Variants in NOS1 observed in about 807,000 individuals in gnomAD.
The protein encoded by NOS1 is NOS type I.
NOS1 carries 51 observed loss-of-function variants against 164.5 expected under a neutral mutation model. That is an observed-to-expected ratio of 0.31 (90% confidence interval 0.25 to 0.39). The LOEUF (loss-of-function observed/expected upper bound fraction) is 0.39. Ranked by LOEUF, NOS1 falls within the 10% of genes least tolerant of loss-of-function variation. The pLI is 1.00. For synonymous variants in NOS1, 719 were observed against 745.8 expected (o/e 0.96, Z 0.59); for missense variants, 1,362 against 1,885.6 (o/e 0.72, Z 5.14).
In NOS1 at chr12:117,243,508, G is replaced by A; in HGVS notation, c.2824-73C>T. ...CTCCTCTCCAACAGCTCCAAGTCAT[G>A]GCATGTATCTCTTCATTCACCCATC... On this transcript the variant is annotated intron_variant, in intron 18 of 28. Coordinates refer to ENST00000317775, the MANE Select transcript of NOS1 (RefSeq NM_000620.5). The surrounding 1 kb of genome is among the most constrained non-coding windows in gnomAD (Gnocchi z 4.3). 1.3e-6 allele frequency: 2 copies of A among 1,536,496 alleles called. No homozygotes were observed. Among genetic ancestry groups the A allele is most frequent in the Non-Finnish European group, 1.8e-6 (2 of 1,126,170 alleles).
chr12:117,246,984 T>C (rs1009191815), intron 18 of NOS1, among the ~76,000 whole-genome samples: 7 of 152,150 alleles, frequency 4.6e-5, no homozygotes, highest in African/African-American at 7.2e-5. Flanking sequence ...CGTGTCAAAA[T>C]TGGTAGACTG....
rs560164082 is a variant in NOS1 at position 117,346,060 on chromosome 12, C to T, written c.-420-14571G>A. On this transcript the variant is annotated intron_variant, in intron 1 of 28. Coordinates refer to ENST00000317775, the MANE Select transcript of NOS1 (RefSeq NM_000620.5). Reference sequence around the variant, plus strand: ...GGAGAGCAGTTCCAGCCAGTGGTTGCCATGCAGAAAGCCAAGACTGGTCTC... The same window carrying T: ...GGAGAGCAGTTCCAGCCAGTGGTTGTCATGCAGAAAGCCAAGACTGGTCTC... 5.3e-5 allele frequency among the ~76,000 whole-genome samples: 8 copies of T among 152,352 alleles called. No homozygotes were observed. In the South Asian group the frequency reaches 1.4e-3, roughly 28 times the overall value.
chr12:117,334,663 G>A (rs1875720525), intron 1 of NOS1, among the ~76,000 whole-genome samples: 1 of 152,166 alleles, frequency 6.6e-6, no homozygotes, highest in African/African-American at 2.4e-5. Flanking sequence ...CCAAAGTGCT[G>A]GGATTACAGG....
chr12:117,288,355 G>A (rs375715084), intron 4 of NOS1, 136 bp from the exon 5 acceptor site: 4 of 729,772 alleles, frequency 5.5e-6, no homozygotes, highest in Non-Finnish European at 8.9e-6. Flanking sequence ...TCAAGTACCA[G>A]CTTCAAATCC....
Position 117,259,104 on chromosome 12 carries a change from A to G in NOS1, c.2394T>C (p.Ile798=), listed in dbSNP as rs2135977370. The G allele has an allele frequency of 4.3e-6, 7 of 1,614,058 alleles. No homozygotes were observed. The highest frequency in any genetic ancestry group is 5.9e-6 in the Non-Finnish European group (7 of 1,179,948). The change falls in exon 15 of 29, where the codon ATT becomes ATC. Residue 798 remains isoleucine (I), a synonymous_variant. Transcript: ENST00000317775. ...AKVMSMEEYD[I]VHLEHETLVL... The stretch of plus-strand genomic sequence containing the variant: ...CCAGAGTTTCATGTTCCAGGTGCAC[A>G]ATGTCATATTCTTCCATGGACATCA...
At chr12:117,296,582 G>T (rs544171489) in intron 3 of NOS1, among the ~76,000 whole-genome samples, 1 of 152,150 alleles carries the variant, frequency 6.6e-6, no homozygotes, top group South Asian at 2.1e-4. Flanking sequence ...TGGCTTCCTT[G>T]CTCCTCAGCT....
Position 117,213,586 on chromosome 12 carries a change from G to C in NOS1, c.*1723C>G, listed in dbSNP as rs1248377942. ...CTGGCCTGGGCCCTTTGGGGTCTTGGTGCCCCCACTGTAAAGCCCTTTCAA... is the reference window on the plus strand; with the variant it reads ...CTGGCCTGGGCCCTTTGGGGTCTTGCTGCCCCCACTGTAAAGCCCTTTCAA... On this transcript the variant is annotated 3_prime_UTR_variant, in exon 29 of 29. Coordinates refer to ENST00000317775, the MANE Select transcript of NOS1 (RefSeq NM_000620.5). 1 of 985,434 alleles carries C rather than the reference G, an allele frequency of 1.0e-6. No individual in the cohort carries two copies. The highest frequency in any genetic ancestry group is 1.1e-4 in the East Asian group (1 of 8,812). 61.0% of individuals were successfully genotyped at this position (985,434 alleles called of 1,614,324 possible). A position where few individuals can be genotyped will look rare whatever the true frequency, so the allele number is the denominator to read the frequency against.
intron 12 of NOS1, 48 bp downstream of exon 12, chr12:117,265,268 C>T (rs2135987150): frequency 6.8e-7 from 1 of 1,463,296 alleles, no homozygotes; most frequent in East Asian, 2.4e-5. Flanking sequence ...GACACACACA[C>T]CAGATACAGG....
Position 117,330,902 on chromosome 12 carries a change from G to A in NOS1, c.168C>T (p.Gly56=). 6.2e-7 allele frequency: 1 copy of A among 1,614,160 alleles called. No homozygotes were observed. Among genetic ancestry groups the A allele is most frequent in the Non-Finnish European group, 8.5e-7 (1 of 1,180,034 alleles). The change falls in exon 2 of 29, where the codon GGC becomes GGT. Residue 56 remains glycine (G), a synonymous_variant. Coordinates refer to ENST00000317775, the MANE Select transcript of NOS1 (RefSeq NM_000620.5). This position sits in a 1 kb window ranked among gnomAD's most constrained non-coding sequence, Gnocchi z 4.6. ...LIRGGAAEQS[G]LIQAGDIILA... is the part of the protein sequence containing the mutation. ...GAATGATGTCTCCGGCCTGGATGAGGCCACTCTGCTCTGCGGCGCCCCCAC... is the reference window on the plus strand; with the variant it reads ...GAATGATGTCTCCGGCCTGGATGAGACCACTCTGCTCTGCGGCGCCCCCAC...
rs754007407 is a variant in NOS1, at chr12:117,220,161, C to T, written c.4084G>A (p.Asp1362Asn). The change falls in exon 27 of 29, where the codon GAT (aspartate) becomes AAT (asparagine). Residue 1362 changes from aspartate (D) to asparagine (N), a missense_variant. Coordinates refer to ENST00000317775, the MANE Select transcript of NOS1 (RefSeq NM_000620.5). ...YVCGDVTMAA[D>N]VLKAIQRIMT... Reference sequence around the variant, plus strand: ...ATGCGCTGGATGGCTTTGAGGACATCAGCAGCCATGGTGACGTCCCCACAG... The same window carrying T: ...ATGCGCTGGATGGCTTTGAGGACATTAGCAGCCATGGTGACGTCCCCACAG... 1 of 1,614,044 alleles carries T rather than the reference C, an allele frequency of 6.2e-7. No individual in the cohort carries two copies. The highest frequency in any genetic ancestry group is 8.5e-7 in the Non-Finnish European group (1 of 1,180,028).
chr12:117,334,003 C>T (rs537870224), intron 1 of NOS1, among the ~76,000 whole-genome samples: 1 of 152,232 alleles, frequency 6.6e-6, no homozygotes, highest in African/African-American at 2.4e-5. Context: ...GAAAGGCGAC[C>T]TCTTGGGGAG....
At chr12:117,352,774 G>A (rs534720896) in intron 1 of NOS1, among the ~76,000 whole-genome samples, 2 of 152,260 alleles carry the variant, frequency 1.3e-5, no homozygotes, top group African/African-American at 4.8e-5. Flanking sequence ...ACATGTATTC[G>A]TGTGTGGGAG....
intron 2 of NOS1, among the ~76,000 whole-genome samples, chr12:117,326,311 G>C (rs1251244899): frequency 6.6e-6 from 1 of 151,440 alleles, no homozygotes; most frequent in Admixed American, 6.6e-5. Context: ...GCTGGAACCC[G>C]GGAGGCGGAG....
At chr12:117,346,085 C>T (rs1339141245) in intron 1 of NOS1, among the ~76,000 whole-genome samples, 1 of 152,244 alleles carries the variant, frequency 6.6e-6, no homozygotes, top group Non-Finnish European at 1.5e-5. Flanking sequence ...AGACTGGTCT[C>T]ACTTCACTTC....
At chr12:117,293,112 G>A (rs982021657) in intron 3 of NOS1, among the ~76,000 whole-genome samples, 11 of 152,184 alleles carry the variant, frequency 7.2e-5, no homozygotes, top group South Asian at 2.1e-4. Context: ...TGCAGCCAGC[G>A]GAATAAGAGT....
intron 9 of NOS1, among the ~76,000 whole-genome samples, chr12:117,273,109 C>T (rs1363982568): frequency 6.6e-6 from 1 of 152,168 alleles, no homozygotes; most frequent in Non-Finnish European, 1.5e-5. Flanking sequence ...AAAGCCTTCC[C>T]TGAGGCCCAG....
chr12:117,278,825 T>C (rs1014858265), intron 8 of NOS1, among the ~76,000 whole-genome samples: 7 of 149,418 alleles, frequency 4.7e-5, no homozygotes, highest in Non-Finnish European at 7.4e-5. Context: ...TTATTAATAG[T>C]ATATTAAATA....
intron 2 of NOS1, among the ~76,000 whole-genome samples, chr12:117,323,218 C>T (rs1221660827): frequency 1.3e-5 from 2 of 152,208 alleles, no homozygotes; most frequent in South Asian, 4.1e-4. Flanking sequence ...GGAGTCCCTC[C>T]TGTTGCTTGA....
intron 25 of NOS1, 148 bp from the exon 26 acceptor site, chr12:117,223,011 A>ACG: frequency 1.2e-6 from 1 of 801,442 alleles, no homozygotes; most frequent in Non-Finnish European, 2.0e-6. Flanking sequence ...GTATGCGTGC[A>ACG]CACACATGTA....
Sources: gnomAD v4.1 joint callset for allele counts (sites outside exome capture counted in the v4.1 genomes callset) on GRCh38, gnomAD v4.1.1 for gene constraint, Gnocchi (gnomAD v3.1) non-coding constraint, MANE v1.5 for transcripts, NCBI Gene and HGNC (gene_info 2026-07-23, HGNC 2026-07-21) for gene names.